GDAP1: variants seen among roughly 807,000 people sequenced by gnomAD.
GDAP1 encodes ganglioside-induced differentiation-associated protein 1.
GDAP1 carries 34 observed loss-of-function variants against 40.1 expected under a neutral mutation model. The ratio of observed to expected loss-of-function variants is 0.85; its 90% CI spans 0.64 to 1.13. GDAP1 has a LOEUF of 1.13. Among genes scored for constraint, GDAP1 ranks in the 50% most tolerant of loss-of-function variants. GDAP1 has a pLI of 0.00. For missense variants in GDAP1, 374 were observed against 433.7 expected, an observed-to-expected ratio of 0.86 and a Z score of 1.22; for synonymous variants, 170 against 157.4, an observed-to-expected ratio of 1.08 and a Z score of -0.60.
chr8:74,350,822 C>T lies in GDAP1; in HGVS notation c.117+244C>T, dbSNP rs4415302. On this transcript the variant is annotated intron_variant, in intron 1 of 5. Coordinates refer to ENST00000220822, the MANE Select transcript of GDAP1 (RefSeq NM_018972.4). ...CTCGCGAAATGCGACAAAAAAGCAT[C>T]ATTTTCAGTATTTGGTCTGGAGGCC... is the stretch of plus-strand genomic sequence containing the variant. Among the ~76,000 whole-genome samples, 44,833 of 152,136 alleles carry T rather than the reference C, an allele frequency of 0.29. 6,862 individuals are homozygous for T. The highest frequency in any genetic ancestry group is 0.34 in the Non-Finnish European group (22,853 of 67,950).
intron 2 of GDAP1, among the ~76,000 whole-genome samples, chr8:74,486,023 C>T (rs543535386): frequency 1.9e-4 from 29 of 152,116 alleles, no homozygotes; most frequent in Non-Finnish European, 3.8e-4. Flanking sequence ...TTTACATAGC[C>T]TCCTTGAGAG....
At chr8:74,373,399 T>C (rs1809790028) in intron 2 of GDAP1, among the ~76,000 whole-genome samples, 1 of 152,206 alleles carries the variant, frequency 6.6e-6, no homozygotes, top group African/African-American at 2.4e-5. Flanking sequence ...GCATGGAATG[T>C]TCTTCCATTT....
At chr8:74,458,217 TC>T (rs1250281641) in intron 2 of GDAP1, among the ~76,000 whole-genome samples, 3 of 151,910 alleles carry the variant, frequency 2.0e-5, no homozygotes, top group Non-Finnish European at 4.4e-5. Flanking sequence ...AGCAGTTTAA[TC>T]CCCAATGAAG....
intron 2 of GDAP1, among the ~76,000 whole-genome samples, chr8:74,382,508 A>G (rs184179453): frequency 4.6e-5 from 7 of 152,192 alleles, no homozygotes; most frequent in South Asian, 2.1e-4. Context: ...AAAAGAATAT[A>G]GATTATAGTT....
chr8:74,487,976 C>A (rs1325857382), intron 2 of GDAP1, among the ~76,000 whole-genome samples: 1 of 152,136 alleles, frequency 6.6e-6, no homozygotes, highest in Admixed American at 6.6e-5. Flanking sequence ...CTAAATTCAA[C>A]AGACTTGTTC....
intron 2 of GDAP1, among the ~76,000 whole-genome samples, chr8:74,373,474 T>TC (rs914483069): frequency 5.9e-5 from 9 of 152,314 alleles, no homozygotes; most frequent in African/African-American, 2.2e-4. Context: ...GTCCTTCACA[T>TC]CCCTTGTAAA....
intron 2 of GDAP1, among the ~76,000 whole-genome samples, chr8:74,410,082 T>C (rs546785988): frequency 6.7e-6 from 1 of 150,084 alleles, no homozygotes; most frequent in Non-Finnish European, 1.5e-5. Context: ...TCACTAAAGA[T>C]AATGGAGAGA....
chr8:74,476,713 C>A (rs933175364), intron 2 of GDAP1, among the ~76,000 whole-genome samples: 17 of 152,094 alleles, frequency 1.1e-4, no homozygotes, highest in Admixed American at 1.1e-3. Context: ...CTGCCTTTAA[C>A]ATTTTTTCTT....
intron 2 of GDAP1, among the ~76,000 whole-genome samples, chr8:74,425,692 A>C (rs1394797570): frequency 6.6e-6 from 1 of 152,196 alleles, no homozygotes; most frequent in Non-Finnish European, 1.5e-5. Context: ...TGAGCCTTTG[A>C]GTGAAGAGTG....
chr8:74,468,353 CT>C (rs1356894897), intron 2 of GDAP1, among the ~76,000 whole-genome samples: 1 of 151,856 alleles, frequency 6.6e-6, no homozygotes, highest in African/African-American at 2.4e-5. Flanking sequence ...ATAAAAACAT[CT>C]TTGTGATTTG....
intron 2 of GDAP1, among the ~76,000 whole-genome samples, chr8:74,478,262 G>C (rs1806661075): frequency 6.6e-6 from 1 of 152,122 alleles, no homozygotes; most frequent in African/African-American, 2.4e-5. Flanking sequence ...GCACACATGT[G>C]TTGGTGGGGA....
At chr8:74,384,755 C>T (rs375538618) in intron 2 of GDAP1, among the ~76,000 whole-genome samples, 121 of 152,262 alleles carry the variant, frequency 7.9e-4, no homozygotes, top group South Asian at 1.2e-3. Context: ...CTGTCGCCAA[C>T]GAAATGCCAT....
chr8:74,356,362 C>A (rs1207547017), intron 2 of GDAP1, among the ~76,000 whole-genome samples: 1 of 152,026 alleles, frequency 6.6e-6, no homozygotes, highest in Non-Finnish European at 1.5e-5. Flanking sequence ...ATTTTTGCTT[C>A]CATCATTAAA....
chr8:74,352,525 C>T (rs1350937398), intron 2 of GDAP1, among the ~76,000 whole-genome samples: 4 of 152,176 alleles, frequency 2.6e-5, no homozygotes, highest in African/African-American at 9.7e-5. Flanking sequence ...ATTATTAGGC[C>T]TAGATGGTGG....
At position 74,423,989 on chromosome 8, in the gene GDAP1, A is replaced by G. The variant is rs571883421; in HGVS notation, c.166-64689A>G. Among the ~76,000 whole-genome samples the G allele has an allele frequency of 3.3e-5, 5 of 152,252 alleles. No individual in the cohort carries two copies. In the East Asian group the frequency reaches 9.7e-4, roughly 29 times the overall value. ...AACCCTGGAATGTTTTCTTGGTTCC[A>G]GGTTTTATCTCCTTTTGAAATGTAA... On this transcript the variant is annotated intron_variant, in intron 2 of 2. Transcript: ENST00000523640.
intron 2 of GDAP1, among the ~76,000 whole-genome samples, chr8:74,440,473 A>G (rs889302300): frequency 1.3e-5 from 2 of 152,152 alleles, no homozygotes; most frequent in African/African-American, 2.4e-5. Context: ...CACTAAGGAT[A>G]TCAGTCCTAA....
downstream of GDAP1, among the ~76,000 whole-genome samples, chr8:74,370,497 G>A (rs2131530682): frequency 6.6e-6 from 1 of 152,284 alleles, no homozygotes; most frequent in Non-Finnish European, 1.5e-5. Flanking sequence ...AGAACACGTT[G>A]TTAGCTCTGG....
downstream of GDAP1, among the ~76,000 whole-genome samples, chr8:74,371,008 T>C (rs1296707895): frequency 6.6e-6 from 1 of 152,204 alleles, no homozygotes; most frequent in Non-Finnish European, 1.5e-5. Context: ...TAGTTGGAGA[T>C]TTTGTCACTA....
At chr8:74,411,145 TG>T (rs1805703747) in intron 2 of GDAP1, among the ~76,000 whole-genome samples, 2 of 150,168 alleles carry the variant, frequency 1.3e-5, no homozygotes, top group South Asian at 4.1e-4. Flanking sequence ...CTGCTATGTT[TG>T]TAAGTTTCCT....
Sources: allele counts gnomAD v4.1 joint callset (sites outside exome capture counted in the v4.1 genomes callset), GRCh38; gene constraint gnomAD v4.1.1; transcripts MANE v1.5; gene names NCBI Gene and HGNC (gene_info 2026-07-23, HGNC 2026-07-21).